The following AGBL1 variants were observed in gnomAD, a reference collection of about 807,000 sequenced individuals.
AGBL1 encodes cytosolic carboxypeptidase 4.
In AGBL1, 130 loss-of-function variants were observed where a neutral mutation model predicts 118.9. The ratio of observed to expected loss-of-function variants is 1.09; its 90% CI spans 0.95 to 1.26. The LOEUF (loss-of-function observed/expected upper bound fraction) is 1.26. AGBL1 is among the 50% of genes most tolerant of loss of function. AGBL1 has a pLI of 0.00. For missense variants in AGBL1, 1,584 were observed against 1,298.1 expected, an observed-to-expected ratio of 1.22 and a Z score of -3.38; for synonymous variants, 555 against 478.9, an observed-to-expected ratio of 1.16 and a Z score of -2.08.
At chr15:86,616,029 T>C (rs2084716407) in intron 21 of AGBL1, among the ~76,000 whole-genome samples, 1 of 152,008 alleles carries the variant, frequency 6.6e-6, no homozygotes, top group Non-Finnish European at 1.5e-5. Flanking sequence ...GGATAGCAAT[T>C]GTCACAATAC....
At chr15:86,442,411 C>T (rs2082074936) in intron 18 of AGBL1, among the ~76,000 whole-genome samples, 1 of 152,152 alleles carries the variant, frequency 6.6e-6, no homozygotes, top group Admixed American at 6.5e-5. Context: ...ATGCCTCTTC[C>T]TCATTTGTAA....
At chr15:86,633,833 GTATA>G (rs1252698633) in intron 21 of AGBL1, among the ~76,000 whole-genome samples, 2 of 31,690 alleles carry the variant, frequency 6.3e-5, no homozygotes, top group East Asian at 3.7e-3. Flanking sequence ...TATATATAAT[GTATA>G]TATATATAAT....
chr15:86,470,026 T>C (rs138600531), intron 18 of AGBL1, among the ~76,000 whole-genome samples: 3 of 152,324 alleles, frequency 2.0e-5, no homozygotes, highest in East Asian at 3.9e-4. Context: ...TGTAGGTTGT[T>C]CTTTCATTCT....
At chr15:86,929,106 T>G (rs2080577872) in intron 23 of AGBL1, among the ~76,000 whole-genome samples, 1 of 152,202 alleles carries the variant, frequency 6.6e-6, no homozygotes, top group Non-Finnish European at 1.5e-5. Flanking sequence ...TTCCACTGTC[T>G]GCCATGTCCT....
At position 86,315,305 on chromosome 15, in the gene AGBL1, A is replaced by T. The variant is rs565913686; in HGVS notation, c.2374+19897A>T. On this transcript the variant is annotated intron_variant, in intron 17 of 22. Coordinates refer to ENST00000614907, the MANE Select transcript of AGBL1 (RefSeq NM_001386094.1). ...CACTCACATTTGGGCTTTCTCTCAG[A>T]GTAGCTAGGTAGACTTCTAAAGGTA... Among the ~76,000 whole-genome samples, 13 of 152,312 alleles carry T rather than the reference A, an allele frequency of 8.5e-5. 1 individual carries two copies. The East Asian group carries it at 2.3e-3, about 27-fold the overall frequency.
At chr15:86,465,098 C>A (rs2082386415) in intron 18 of AGBL1, among the ~76,000 whole-genome samples, 1 of 151,998 alleles carries the variant, frequency 6.6e-6, no homozygotes, top group Non-Finnish European at 1.5e-5. Context: ...GAGGGACCAG[C>A]TGAAGCCATG....
At position 86,425,871 on chromosome 15, in the gene AGBL1, C is replaced by T. The variant is rs371243124; in HGVS notation, c.2555+28325C>T. ...GCTACTCATCTGTATAATCTTTTTA[C>T]CGTCACACTGTCAGATGATTGTGGA... On this transcript the variant is annotated intron_variant, in intron 18 of 22. Coordinates refer to ENST00000614907, the MANE Select transcript of AGBL1 (RefSeq NM_001386094.1). Among the ~76,000 whole-genome samples, 13 of 152,216 alleles carry T rather than the reference C, an allele frequency of 8.5e-5. 1 individual carries two copies. In the Middle Eastern group the frequency reaches 0.027, roughly 319 times the overall value.
intron 23 of AGBL1, among the ~76,000 whole-genome samples, chr15:86,958,586 G>T (rs1364816041): frequency 1.3e-5 from 2 of 152,086 alleles, no homozygotes; most frequent in Non-Finnish European, 2.9e-5. Context: ...TAATGAAATA[G>T]ATTTCTGTGC....
At chr15:86,547,841 G>A (rs369082188) in intron 20 of AGBL1, among the ~76,000 whole-genome samples, 144 of 152,198 alleles carry the variant, frequency 9.5e-4, no homozygotes, top group African/African-American at 3.3e-3. Flanking sequence ...TTGGTGCCCT[G>A]GGATTCCTTA....
chr15:86,358,349 G>A lies in AGBL1; in HGVS notation c.2375-39017G>A, dbSNP rs567504630. On this transcript the variant is annotated intron_variant, in intron 17 of 22. Transcript: ENST00000614907. The stretch of plus-strand genomic sequence containing the variant: ...CCTTCAGGTTCATCCATACTGTCAT[G>A]AATGGCAGATTTCCCTCATTTTAAG... Among the ~76,000 whole-genome samples the A allele has an allele frequency of 3.3e-5, 5 of 152,070 alleles. No individual in the cohort carries two copies. The South Asian group carries it at 1.0e-3, about 32-fold the overall frequency.
intron 6 of AGBL1, among the ~76,000 whole-genome samples, chr15:86,235,306 T>C (rs1280320190): frequency 6.6e-6 from 1 of 152,238 alleles, no homozygotes; most frequent in Non-Finnish European, 1.5e-5. Context: ...GTTATCTAAA[T>C]GAACAAAGGA....
chr15:86,834,285 C>T (rs1367538703), intron 22 of AGBL1, among the ~76,000 whole-genome samples: 1 of 152,086 alleles, frequency 6.6e-6, no homozygotes, highest in East Asian at 1.9e-4. Flanking sequence ...TTCTGAGTCA[C>T]TCCATCAGGC....
intron 22 of AGBL1, among the ~76,000 whole-genome samples, chr15:86,843,046 G>T (rs987378313): frequency 5.3e-5 from 8 of 152,168 alleles, no homozygotes; most frequent in Non-Finnish European, 8.8e-5. Flanking sequence ...ATTCAAGGTA[G>T]ATTTGGGGGC....
At chr15:86,520,250 A>C (rs1440095457) in intron 18 of AGBL1, among the ~76,000 whole-genome samples, 7 of 152,242 alleles carry the variant, frequency 4.6e-5, no homozygotes, top group Admixed American at 2.6e-4. Flanking sequence ...AGTCATGCAC[A>C]CAGACATAGG....
At chr15:86,418,126 T>G (rs1485220480) in intron 18 of AGBL1, among the ~76,000 whole-genome samples, 1 of 152,202 alleles carries the variant, frequency 6.6e-6, no homozygotes, top group Non-Finnish European at 1.5e-5. Context: ...TCTACTAATT[T>G]ACATGGAAAC....
intron 17 of AGBL1, among the ~76,000 whole-genome samples, chr15:86,363,576 T>C (rs1204276848): frequency 6.6e-6 from 1 of 152,108 alleles, no homozygotes; most frequent in Non-Finnish European, 1.5e-5. Flanking sequence ...CTATTCCCTC[T>C]CATATTTCTA....
intron 5 of AGBL1, among the ~76,000 whole-genome samples, chr15:86,171,026 G>A (rs973948723): frequency 2.0e-5 from 3 of 152,274 alleles, no homozygotes; most frequent in Admixed American, 2.0e-4. Context: ...TTTGAAGTAT[G>A]GAATTCTGTA....
intron 22 of AGBL1, among the ~76,000 whole-genome samples, chr15:86,893,011 T>C (rs868149267): frequency 6.6e-6 from 1 of 152,078 alleles, no homozygotes; most frequent in Non-Finnish European, 1.5e-5. Context: ...AGAAAATAGA[T>C]AGAAGGTCAA....
intron 23 of AGBL1, among the ~76,000 whole-genome samples, chr15:86,987,589 C>A (rs970801044): frequency 6.6e-6 from 1 of 151,964 alleles, no homozygotes; most frequent in Non-Finnish European, 1.5e-5. Flanking sequence ...GAAATTTTCC[C>A]TTCCATTTCT....
Sources: allele counts gnomAD v4.1 joint callset (sites outside exome capture counted in the v4.1 genomes callset), GRCh38; gene constraint gnomAD v4.1.1; transcripts MANE v1.5; gene names NCBI Gene and HGNC (gene_info 2026-07-23, HGNC 2026-07-21).